SULT1B1: variants seen among roughly 807,000 people sequenced by gnomAD.
The protein encoded by SULT1B1 is sulfotransferase family 1B member 1, also known as sulfotransferase 1B1.
Under a neutral mutation model 34.6 loss-of-function variants are expected in SULT1B1, and 28 were observed. That is an observed-to-expected ratio of 0.81 (90% CI 0.60 to 1.11). The LOEUF (loss-of-function observed/expected upper bound fraction) is 1.11. Among genes scored for constraint, SULT1B1 ranks in the 50% least tolerant of loss-of-function variants. The pLI is 0.00. For synonymous variants in SULT1B1, 147 were observed against 110.2 expected, an observed-to-expected ratio of 1.33 and a Z score of -2.09; for missense variants, 374 against 352.2, an observed-to-expected ratio of 1.06 and a Z score of -0.50.
chr4:69,756,309 T>C (rs182083174), intron 1 of SULT1B1, among the ~76,000 whole-genome samples: 8 of 152,294 alleles, frequency 5.3e-5, no homozygotes, highest in Admixed American at 5.2e-4. Flanking sequence ...GGATGCTTGG[T>C]GTTCCTGTTA....
intron 3 of SULT1B1, 115 bp downstream of exon 3, chr4:69,754,555 C>T: frequency 9.7e-7 from 1 of 1,028,856 alleles, no homozygotes; most frequent in Non-Finnish European, 1.4e-6. Flanking sequence ...TGTTTGCCAC[C>T]TTCCATTTTA....
At chr4:69,746,669 T>C (rs1460289699) in intron 4 of SULT1B1, among the ~76,000 whole-genome samples, 1 of 152,204 alleles carries the variant, frequency 6.6e-6, no homozygotes, top group African/African-American at 2.4e-5. Context: ...TTCCTTGACA[T>C]CTAGGTTCTG....
Position 69,725,475 on chromosome 4 carries a change from G to T in SULT1B1, c.*1613C>A, listed in dbSNP as rs552490160. The T allele has an allele frequency of 6.6e-6, 1 of 152,288 alleles. No homozygotes were observed. Among genetic ancestry groups the T allele is most frequent in the African/African-American group, 2.4e-5 (1 of 41,560 alleles). 9.4% of individuals were successfully genotyped at this position (152,288 alleles called of 1,614,324 possible). ...GAAGACAGTGTGGCAATTCCTCAGAGATCTAGAACTAGAAATACCATTTGA... is the reference window on the plus strand; with the variant it reads ...GAAGACAGTGTGGCAATTCCTCAGATATCTAGAACTAGAAATACCATTTGA... On this transcript the variant is annotated 3_prime_UTR_variant, in exon 8 of 8. Transcript: ENST00000310613.
chr4:69,734,864 G>A (rs2110019670), intron 4 of SULT1B1, among the ~76,000 whole-genome samples: 1 of 144,962 alleles, frequency 6.9e-6, no homozygotes, highest in East Asian at 2.0e-4. Flanking sequence ...TGTCGCCCAG[G>A]CTGGAGTGCA....
In SULT1B1 at chr4:69,726,120, T is replaced by C. The variant is rs1288524826; in HGVS notation, c.*968A>G. On this transcript the variant is annotated 3_prime_UTR_variant, in exon 8 of 8. Transcript: ENST00000310613. ...AAACATAGATCAGAGACCACACAAA[T>C]AGATATAAGCATGTAATAATAAGTA... The C allele has an allele frequency of 7.9e-6, 1 of 127,084 alleles. No individual in the cohort carries two copies. The highest frequency in any genetic ancestry group is 1.7e-5 in the Non-Finnish European group (1 of 60,434). 7.9% of individuals were successfully genotyped at this position (127,084 alleles called of 1,614,324 possible).
intron 4 of SULT1B1, among the ~76,000 whole-genome samples, chr4:69,742,655 C>T (rs372063455): frequency 3.3e-5 from 5 of 152,158 alleles, no homozygotes; most frequent in African/African-American, 4.8e-5. Flanking sequence ...GCCAGTGGCG[C>T]CTTTGTCCAA....
Position 69,722,195 on chromosome 4 carries a change from C to T in SULT1B1, c.*4893G>A, listed in dbSNP as rs540964517. ...TCTTCACTCAGTGCATAGAAACATA[C>T]CTGAGGCATAATTACAACTTACTAA... On this transcript the variant is annotated 3_prime_UTR_variant, in exon 8 of 8. Coordinates refer to ENST00000310613, the MANE Select transcript of SULT1B1 (RefSeq NM_014465.4). The T allele has an allele frequency of 6.6e-6, 1 of 152,170 alleles. No homozygotes were observed. Among genetic ancestry groups the T allele is most frequent in the African/African-American group, 2.4e-5 (1 of 41,542 alleles). 9.4% of individuals were successfully genotyped at this position (152,170 alleles called of 1,614,324 possible).
At chr4:69,746,279 T>C (rs1446372063) in intron 4 of SULT1B1, among the ~76,000 whole-genome samples, 1 of 152,232 alleles carries the variant, frequency 6.6e-6, no homozygotes, top group East Asian at 1.9e-4. Context: ...AAATTTTTAT[T>C]GACAATATCC....
At chr4:69,737,431 A>G (rs1718361408) in intron 4 of SULT1B1, among the ~76,000 whole-genome samples, 1 of 152,216 alleles carries the variant, frequency 6.6e-6, no homozygotes, top group African/African-American at 2.4e-5. Context: ...GGGTAAAAAT[A>G]GAAGTAAACA....
Position 69,724,871 on chromosome 4 carries a change from C to G in SULT1B1, c.*2217G>C, listed in dbSNP as rs560360809. ...CTTACACCTTATACAAAAATTAATT[C>G]AAGATGGATTAAAGACTTAAATGTA... On this transcript the variant is annotated 3_prime_UTR_variant, in exon 8 of 8. Transcript: ENST00000310613. 1.6e-3 allele frequency: 239 copies of G among 152,192 alleles called. 2 individuals carry two copies. The highest frequency in any genetic ancestry group is 5.7e-3 in the African/African-American group (235 of 41,512). 9.4% of individuals were successfully genotyped at this position (152,192 alleles called of 1,614,324 possible). A position where few individuals can be genotyped will look rare whatever the true frequency, so the allele number is the denominator to read the frequency against.
intron 2 of SULT1B1, 31 bp downstream of exon 2, chr4:69,755,039 G>T: frequency 1.9e-6 from 3 of 1,563,758 alleles, no homozygotes; most frequent in South Asian, 1.1e-5. Context: ...AAATGAGGTC[G>T]GACTTGAATT....
intron 4 of SULT1B1, among the ~76,000 whole-genome samples, chr4:69,743,664 C>A (rs565846660): frequency 6.6e-6 from 1 of 152,330 alleles, no homozygotes; most frequent in Admixed American, 6.5e-5. Context: ...AGTCCCTCGG[C>A]TTTCCTCCTG....
chr4:69,758,914 C>T (rs1175578305), intron 1 of SULT1B1, among the ~76,000 whole-genome samples: 1 of 152,106 alleles, frequency 6.6e-6, no homozygotes, highest in African/African-American at 2.4e-5. Context: ...TGTTATTGGC[C>T]TTAACGGAGA....
At chr4:69,757,676 T>C (rs1050806950) in intron 1 of SULT1B1, among the ~76,000 whole-genome samples, 4 of 152,230 alleles carry the variant, frequency 2.6e-5, no homozygotes. Flanking sequence ...AACATATTTT[T>C]ATATGTTATC....
chr4:69,755,680 T>C (rs996599745), intron 1 of SULT1B1, among the ~76,000 whole-genome samples: 1 of 152,202 alleles, frequency 6.6e-6, no homozygotes, highest in African/African-American at 2.4e-5. Context: ...ATCCTTTTTC[T>C]TTGTGTGCTT....
Position 69,727,029 on chromosome 4 carries a change from C to T in SULT1B1, c.*59G>A. On this transcript the variant is annotated 3_prime_UTR_variant, in exon 8 of 8. Coordinates refer to ENST00000310613, the MANE Select transcript of SULT1B1 (RefSeq NM_014465.4). Reference sequence around the variant, plus strand: ...ATTGCCCAAATCAATTCATAACTGCCCTCGTTTCAATCAACTACAGACAAT... The same window carrying T: ...ATTGCCCAAATCAATTCATAACTGCTCTCGTTTCAATCAACTACAGACAAT... The T allele has an allele frequency of 1.6e-6, 2 of 1,255,750 alleles. No homozygotes were observed. The highest frequency in any genetic ancestry group is 1.5e-5 in the South Asian group (1 of 67,804). 77.8% of individuals were successfully genotyped at this position (1,255,750 alleles called of 1,614,324 possible).
chr4:69,757,397 G>A (rs929125081), intron 1 of SULT1B1, among the ~76,000 whole-genome samples: 2 of 152,098 alleles, frequency 1.3e-5, no homozygotes, highest in African/African-American at 4.8e-5. Context: ...ATAGTTTCTG[G>A]TAAATATTTT....
Position 69,755,273 on chromosome 4 carries a change from T to C in SULT1B1, c.-44-12A>G, listed in dbSNP as rs1200112072. 7 of 1,570,522 alleles carry C rather than the reference T, an allele frequency of 4.5e-6. No homozygotes were observed. Among genetic ancestry groups the C allele is most frequent in the South Asian group, 3.4e-5 (3 of 88,762 alleles). ...GATTGACAGTTGTTCTGGAGAAATA[T>C]AGAGAATAAAAATCAGAATCTGAGT... On this transcript the variant is annotated splice_polypyrimidine_tract_variant and intron_variant, in intron 1 of 7. Transcript: ENST00000310613.
chr4:69,748,179 G>C (rs1229303102), intron 4 of SULT1B1, among the ~76,000 whole-genome samples: 1 of 151,848 alleles, frequency 6.6e-6, no homozygotes, highest in Admixed American at 6.6e-5. Context: ...AGAGTAAAAG[G>C]GTAGCAAAAA....
Sources: gnomAD v4.1 joint callset for allele counts (sites outside exome capture counted in the v4.1 genomes callset) on GRCh38, gnomAD v4.1.1 for gene constraint, MANE v1.5 for transcripts, NCBI Gene and HGNC (gene_info 2026-07-23, HGNC 2026-07-21) for gene names.